GALNT17: variants seen among roughly 807,000 people sequenced by gnomAD.
GALNT17 encodes the protein polypeptide N-acetylgalactosaminyltransferase 17.
In GALNT17, 29 loss-of-function variants were observed where a neutral mutation model predicts 63.7. The ratio of observed to expected loss-of-function variants is 0.46; its 90% confidence interval spans 0.34 to 0.62. The LOEUF (loss-of-function observed/expected upper bound fraction) is 0.62, where lower values mean the gene tolerates loss of function less well. Ranked by LOEUF, GALNT17 falls within the 20% of genes least tolerant of loss-of-function variation. The pLI, the probability that GALNT17 is intolerant of heterozygous loss-of-function variation, is 0.01. For missense variants in GALNT17, 603 were observed against 799.6 expected (o/e 0.75, Z 2.97); for synonymous variants, 305 against 318.3 (o/e 0.96, Z 0.45).
intron 1 of GALNT17, among the ~76,000 whole-genome samples, chr7:71,261,265 G>A (rs146243644): frequency 1.4e-4 from 22 of 152,248 alleles, no homozygotes; most frequent in Admixed American, 4.6e-4. Context: ...GTTCCCTTTC[G>A]GAGCTTAGAG....
chr7:71,244,546 G>C (rs1442141831), intron 1 of GALNT17, among the ~76,000 whole-genome samples: 1 of 152,100 alleles, frequency 6.6e-6, no homozygotes, highest in African/African-American at 2.4e-5. Context: ...AATAAAATGA[G>C]ATAATAAAAA....
intron 6 of GALNT17, among the ~76,000 whole-genome samples, chr7:71,646,355 C>G (rs1418506409): frequency 1.3e-5 from 2 of 152,160 alleles, no homozygotes; most frequent in Non-Finnish European, 2.9e-5. Flanking sequence ...AAAGGATAAC[C>G]CAGCTCAGCA....
chr7:71,297,636 A>G (rs1791106590), intron 1 of GALNT17, among the ~76,000 whole-genome samples: 1 of 152,172 alleles, frequency 6.6e-6, no homozygotes. Context: ...TTGGATTAGA[A>G]TGTTCATAGC....
At chr7:71,149,243 A>T (rs1000063391) in intron 1 of GALNT17, among the ~76,000 whole-genome samples, 3 of 152,156 alleles carry the variant, frequency 2.0e-5, no homozygotes, top group African/African-American at 7.2e-5. Flanking sequence ...TCTATTGAAC[A>T]TCAACCACAT....
intron 1 of GALNT17, chr7:71,307,574 CG>C (rs1562989439): frequency 6.6e-6 from 1 of 151,798 alleles, no homozygotes; most frequent in Admixed American, 6.6e-5. Flanking sequence ...TGGATGCAAT[CG>C]AGGAAGACTT....
chr7:71,523,257 TC>T (rs2116757734), intron 5 of GALNT17, among the ~76,000 whole-genome samples: 1 of 152,198 alleles, frequency 6.6e-6, no homozygotes, highest in South Asian at 2.1e-4. Flanking sequence ...AGACCCCATC[TC>T]TACAAAATAA....
chr7:71,448,357 ATGTG>A (rs113851150), intron 5 of GALNT17, among the ~76,000 whole-genome samples: 6 of 147,572 alleles, frequency 4.1e-5, no homozygotes, highest in South Asian at 4.3e-4. Flanking sequence ...CTTCGTGTGT[ATGTG>A]TGTGTGTGTG....
At chr7:71,647,753 C>T (rs1011792434) in intron 6 of GALNT17, among the ~76,000 whole-genome samples, 1 of 152,226 alleles carries the variant, frequency 6.6e-6, no homozygotes, top group Non-Finnish European at 1.5e-5. Context: ...CTCTGTGAAC[C>T]CACTGACACC....
intron 2 of GALNT17, among the ~76,000 whole-genome samples, chr7:71,336,587 T>C (rs1486462431): frequency 2.0e-5 from 3 of 152,162 alleles, no homozygotes; most frequent in African/African-American, 7.2e-5. Context: ...AAGTGAGAAC[T>C]GGTGGTATTT....
chr7:71,242,504 G>A lies in GALNT17; in HGVS notation c.239-93046G>A, dbSNP rs146946025. Among the ~76,000 whole-genome samples, 277 of 151,986 alleles carry A rather than the reference G, an allele frequency of 1.8e-3. 6 individuals are homozygous for A. The East Asian group carries it at 0.047, about 26-fold the overall frequency. On this transcript the variant is annotated intron_variant, in intron 1 of 10. Coordinates refer to ENST00000333538, the MANE Select transcript of GALNT17 (RefSeq NM_022479.3). ...AGGATGGTCTCGATCTCCTGACCTC[G>A]TGATCCGCCCTCCTCAGCCTCCCAA...
At chr7:71,694,109 A>C (rs1430773139) in intron 9 of GALNT17, among the ~76,000 whole-genome samples, 1 of 152,148 alleles carries the variant, frequency 6.6e-6, no homozygotes, top group African/African-American at 2.4e-5. Flanking sequence ...CCCTGGTGGC[A>C]GACAAGAGAA....
Position 71,665,509 on chromosome 7 carries a change from C to T in GALNT17, c.1179C>T (p.Tyr393=), listed in dbSNP as rs749003095. ...KKPYNSNIGF[Y]TKRNALRVAE... is the part of the protein sequence containing the mutation. ...CATATAATAGCAACATTGGCTTCTA[C>T]ACCAAGAGGAATGCTCTTCGCGTTG... is the stretch of plus-strand genomic sequence containing the variant. The change falls in exon 7 of 11, where the codon TAC becomes TAT. Residue 393 remains tyrosine (Y), a synonymous_variant. Coordinates refer to ENST00000333538, the MANE Select transcript of GALNT17 (RefSeq NM_022479.3). 9 of 1,614,030 alleles carry T rather than the reference C, an allele frequency of 5.6e-6. No homozygotes were observed. The highest frequency in any genetic ancestry group is 6.8e-6 in the Non-Finnish European group (8 of 1,180,012).
chr7:71,134,824 T>C (rs1787750889), intron 1 of GALNT17, among the ~76,000 whole-genome samples: 1 of 149,734 alleles, frequency 6.7e-6, no homozygotes, highest in Admixed American at 6.8e-5. Flanking sequence ...TATCAGTTTC[T>C]TTGTTTTATG....
intron 6 of GALNT17, among the ~76,000 whole-genome samples, chr7:71,628,884 A>G (rs1790414734): frequency 6.6e-6 from 1 of 152,104 alleles, no homozygotes; most frequent in Non-Finnish European, 1.5e-5. Flanking sequence ...GTGAGCCCAG[A>G]TCGTGCCACT....
intron 1 of GALNT17, among the ~76,000 whole-genome samples, chr7:71,182,266 G>C (rs993661361): frequency 1.3e-5 from 2 of 152,234 alleles, no homozygotes; most frequent in African/African-American, 4.8e-5. Flanking sequence ...GGAGACGTGA[G>C]ACATCAATCA....
intron 1 of GALNT17, among the ~76,000 whole-genome samples, chr7:71,142,167 G>A (rs1238410140): frequency 6.6e-6 from 1 of 152,128 alleles, no homozygotes; most frequent in Non-Finnish European, 1.5e-5. Context: ...ACTATGCGGG[G>A]CCCTCAGGAG....
At chr7:71,343,387 T>G (rs1792038760) in intron 2 of GALNT17, among the ~76,000 whole-genome samples, 2 of 152,388 alleles carry the variant, frequency 1.3e-5, no homozygotes, top group Admixed American at 1.3e-4. Flanking sequence ...ACTGTTTTAT[T>G]GCTATATTAC....
At chr7:71,475,583 G>T in intron 5 of GALNT17, among the ~76,000 whole-genome samples, 1 of 152,120 alleles carries the variant, frequency 6.6e-6, no homozygotes, top group South Asian at 2.1e-4. Context: ...ATGAAGCTTC[G>T]CTGGCTCGCC....
At chr7:71,377,826 T>C (rs1226596668) in intron 2 of GALNT17, among the ~76,000 whole-genome samples, 1 of 152,174 alleles carries the variant, frequency 6.6e-6, no homozygotes, top group Non-Finnish European at 1.5e-5. Flanking sequence ...TGGAAGTCCC[T>C]CCTTCCTTCT....
Sources: gnomAD v4.1 joint callset for allele counts (sites outside exome capture counted in the v4.1 genomes callset) on GRCh38, gnomAD v4.1.1 for gene constraint, MANE v1.5 for transcripts, NCBI Gene and HGNC (gene_info 2026-07-23, HGNC 2026-07-21) for gene names.